Variants in NBAS observed in about 807,000 individuals in gnomAD.
NBAS encodes NAG/BC035112 fusion.
A neutral mutation model predicts 302.5 loss-of-function variants in NBAS; 219 were observed. The observed-to-expected ratio is 0.72, with a 90% CI of 0.65 to 0.81. NBAS has a LOEUF of 0.81. Ranked by LOEUF, NBAS falls within the 30% of genes least tolerant of loss-of-function variation. NBAS has a pLI of 0.00. For missense variants in NBAS, 2,932 were observed against 2,841.6 expected (o/e 1.03, Z -0.72); for synonymous variants, 1,118 against 1,021.6 (o/e 1.09, Z -1.80).
At chr2:15,153,203 C>G in the NBAS span, among the ~76,000 whole-genome samples, 1 of 152,204 alleles carries the variant, frequency 6.6e-6, no homozygotes, top group Non-Finnish European at 1.5e-5. Context: ...TGATGATTAG[C>G]CACATGGTAC....
intron 38 of NBAS, among the ~76,000 whole-genome samples, chr2:15,313,930 C>T (rs1364258609): frequency 3.3e-5 from 5 of 152,218 alleles, no homozygotes; most frequent in Non-Finnish European, 7.3e-5. Context: ...ACATTAACCA[C>T]ACGTCACCTG....
At chr2:15,446,267 C>T (rs973245498) in intron 21 of NBAS, among the ~76,000 whole-genome samples, 6 of 151,916 alleles carry the variant, frequency 3.9e-5, no homozygotes, top group African/African-American at 1.5e-4. Flanking sequence ...AATAAAATGG[C>T]TCAAAACTAG....
chr2:14,835,207 A>C, the NBAS span, among the ~76,000 whole-genome samples: 1 of 151,980 alleles, frequency 6.6e-6, no homozygotes, highest in East Asian at 1.9e-4. Context: ...AGATGTGTAG[A>C]ATTTGAAGTG....
At chr2:15,440,217 C>T (rs896134965) in intron 21 of NBAS, among the ~76,000 whole-genome samples, 1 of 152,216 alleles carries the variant, frequency 6.6e-6, no homozygotes, top group African/African-American at 2.4e-5. Flanking sequence ...AAGTGGGTCC[C>T]TGACCCCTGA....
rs368885830 is a variant in NBAS, at chr2:15,366,674, C to G, written c.3723G>C (p.Arg1241=). ...LPLQVRLCPD[R]ISLIKECISQ... is the part of the protein sequence containing the mutation. ...AAATACACTCCTTGATGAGACTGAT[C>G]CGATCAGGGCACAATCGCACTACAA... is the stretch of plus-strand genomic sequence containing the variant. Residue 1241 remains arginine, a synonymous_variant, in exon 32 of 52, where the codon CGG becomes CGC. Coordinates refer to ENST00000281513, the MANE Select transcript of NBAS (RefSeq NM_015909.4). The G allele has an allele frequency of 1.1e-5, 17 of 1,613,860 alleles. No individual in the cohort carries two copies. The African/African-American group carries it at 2.1e-4, about 20-fold the overall frequency.
the NBAS span, among the ~76,000 whole-genome samples, chr2:15,135,155 C>A: frequency 1.1e-4 from 17 of 152,244 alleles, no homozygotes; most frequent in South Asian, 3.3e-3. Flanking sequence ...GTGGCTCTTA[C>A]GCAATAGATT....
chr2:15,184,031 C>T (rs754598564), intron 50 of NBAS, among the ~76,000 whole-genome samples: 3 of 152,178 alleles, frequency 2.0e-5, no homozygotes, highest in African/African-American at 7.2e-5. Context: ...CATTTAACCA[C>T]CAAGTCATTT....
intron 9 of NBAS, among the ~76,000 whole-genome samples, chr2:15,532,053 A>G (rs933698281): frequency 1.3e-5 from 2 of 152,224 alleles, no homozygotes; most frequent in Non-Finnish European, 2.9e-5. Context: ...TAGGAAATCA[A>G]TAAATGCTTG....
At chr2:14,985,534 G>A in the NBAS span, among the ~76,000 whole-genome samples, 1 of 152,202 alleles carries the variant, frequency 6.6e-6, no homozygotes, top group African/African-American at 2.4e-5. Flanking sequence ...CAAGATGTTG[G>A]ACAAGAGTGT....
At chr2:15,135,560 T>C in the NBAS span, among the ~76,000 whole-genome samples, 1 of 151,734 alleles carries the variant, frequency 6.6e-6, no homozygotes, top group East Asian at 1.9e-4. Context: ...TTGGTTGGGG[T>C]GAAGGTTGTG....
At chr2:15,133,323 G>C in the NBAS span, among the ~76,000 whole-genome samples, 29 of 151,946 alleles carry the variant, frequency 1.9e-4, no homozygotes, top group Middle Eastern at 6.8e-3. Flanking sequence ...GACATAGCGG[G>C]GGGGGGGCAG....
the NBAS span, among the ~76,000 whole-genome samples, chr2:14,907,887 A>C: frequency 6.6e-6 from 1 of 152,206 alleles, no homozygotes; most frequent in Non-Finnish European, 1.5e-5. Context: ...TTATCTATGA[A>C]ACAGGAGGGG....
the NBAS span, among the ~76,000 whole-genome samples, chr2:15,141,695 G>C: frequency 6.7e-6 from 1 of 150,022 alleles, no homozygotes; most frequent in African/African-American, 2.5e-5. Context: ...GTTTTGTTTT[G>C]TTTTGTTTTT....
the NBAS span, among the ~76,000 whole-genome samples, chr2:14,919,248 T>A: frequency 6.6e-6 from 1 of 152,196 alleles, no homozygotes; most frequent in Admixed American, 6.5e-5. Context: ...CCAGTACATA[T>A]AAAAGATATG....
At chr2:14,902,618 AGCCTG>A in the NBAS span, among the ~76,000 whole-genome samples, 1 of 152,228 alleles carries the variant, frequency 6.6e-6, no homozygotes, top group African/African-American at 2.4e-5. Context: ...CTTAAATGTC[AGCCTG>A]GGAATTTTGC....
At chr2:14,798,614 C>T in the NBAS span, among the ~76,000 whole-genome samples, 2 of 152,006 alleles carry the variant, frequency 1.3e-5, no homozygotes, top group African/African-American at 2.4e-5. Flanking sequence ...ATTATTGCTT[C>T]CTCTTTAATT....
the NBAS span, among the ~76,000 whole-genome samples, chr2:14,937,156 A>T: frequency 6.6e-6 from 1 of 152,160 alleles, no homozygotes; most frequent in Non-Finnish European, 1.5e-5. Flanking sequence ...TTTGCTGGTC[A>T]AGCCCCCATC....
In NBAS at chr2:15,275,665, G is replaced by A. The variant is rs767664454; in HGVS notation, c.5543C>T (p.Thr1848Ile). The A allele has an allele frequency of 1.6e-5, 26 of 1,614,186 alleles. No homozygotes were observed. The highest frequency in any genetic ancestry group is 1.9e-5 in the Non-Finnish European group (23 of 1,180,032). Residue 1848 changes from threonine to isoleucine, a missense_variant, in exon 44 of 52, where the codon ACC becomes ATC. Transcript: ENST00000281513. ...GQMLSPSSLY[T>I]IWLQKLFWTG... ...CCAGAACAACTTCTGTAACCAGATG[G>A]TGTACAGAGAGCTTGGGGAAAGCAT...
At chr2:14,936,055 C>T in the NBAS span, among the ~76,000 whole-genome samples, 9 of 152,192 alleles carry the variant, frequency 5.9e-5, no homozygotes, top group Non-Finnish European at 8.8e-5. Flanking sequence ...GCCATCTCCA[C>T]GCTGGCCCAG....
Sources: gnomAD v4.1 joint callset for allele counts (sites outside exome capture counted in the v4.1 genomes callset) on GRCh38, gnomAD v4.1.1 for gene constraint, MANE v1.5 for transcripts, NCBI Gene and HGNC (gene_info 2026-07-23, HGNC 2026-07-21) for gene names.